The following SH3RF3 variants were observed in gnomAD, a reference collection of about 807,000 sequenced individuals.
SH3RF3 encodes the protein E3 ubiquitin-protein ligase SH3RF3.
SH3RF3 carries 29 observed loss-of-function variants against 66.3 expected under a neutral mutation model. That is an observed-to-expected ratio of 0.44 (90% confidence interval 0.33 to 0.60). The LOEUF is 0.60. SH3RF3 is among the 20% of genes least tolerant of loss of function. The probability of loss-of-function intolerance (pLI) is 0.04; values close to 1 mark genes in which losing one functional copy is unlikely to be tolerated. For synonymous variants in SH3RF3, 583 were observed against 532.0 expected, an observed-to-expected ratio of 1.10 and a Z score of -1.32; for missense variants, 1,194 against 1,190.9, an observed-to-expected ratio of 1.00 and a Z score of -0.04.
chr2:109,446,846 G>A (rs903018765), intron 7 of SH3RF3, among the ~76,000 whole-genome samples: 24 of 152,134 alleles, frequency 1.6e-4, no homozygotes, highest in African/African-American at 5.8e-4. Context: ...GGCCAGCCAC[G>A]CACAGCCCAG....
At position 109,152,751 on chromosome 2, in the gene SH3RF3, C is replaced by CG. The variant is rs878905857; in HGVS notation, c.573+22645dup. Among the ~76,000 whole-genome samples, 47 of 151,736 alleles carry CG rather than the reference C, an allele frequency of 3.1e-4. No homozygotes were observed. The East Asian group carries it at 4.5e-3, about 14-fold the overall frequency. On this transcript the variant is annotated intron_variant, in intron 1 of 9. Coordinates refer to ENST00000309415, the MANE Select transcript of SH3RF3 (RefSeq NM_001099289.3). ...ACTTGAGTAGGCATGGGCAGAGGGG[C>CG]GGGGGGGACCCAGTGTCCCCTCCCA... is the stretch of plus-strand genomic sequence containing the variant.
chr2:109,253,283 T>C (rs571826582), intron 1 of SH3RF3, among the ~76,000 whole-genome samples: 1 of 152,212 alleles, frequency 6.6e-6, no homozygotes, highest in Non-Finnish European at 1.5e-5. Flanking sequence ...CCTCCCAAAG[T>C]GCTGGGATTG....
intron 1 of SH3RF3, among the ~76,000 whole-genome samples, chr2:109,179,000 A>G (rs1677999558): frequency 2.1e-5 from 1 of 48,170 alleles, no homozygotes; most frequent in Non-Finnish European, 5.1e-5. Context: ...ATAAAGTATA[A>G]TAATGTGTGT....
chr2:109,296,067 C>G (rs999300433), intron 1 of SH3RF3, among the ~76,000 whole-genome samples: 3 of 152,054 alleles, frequency 2.0e-5, no homozygotes, highest in African/African-American at 7.2e-5. Flanking sequence ...GGATCCCTTC[C>G]CTGCCCCAGC....
Position 109,243,804 on chromosome 2 carries a change from C to T in SH3RF3, c.574-103870C>T, listed in dbSNP as rs1222321518. ...AGGAGTTTGGGACATGTTCTCTGTG[C>T]GTTGGGAAGCCATTGAAAGGCTGTA... On this transcript the variant is annotated intron_variant, in intron 1 of 9. Coordinates refer to ENST00000309415, the MANE Select transcript of SH3RF3 (RefSeq NM_001099289.3). 4.6e-5 allele frequency among the ~76,000 whole-genome samples: 7 copies of T among 152,200 alleles called. No individual in the cohort carries two copies. The South Asian group carries it at 6.2e-4, about 14-fold the overall frequency.
At chr2:109,461,297 C>A (rs191974767) in intron 8 of SH3RF3, among the ~76,000 whole-genome samples, 1 of 152,340 alleles carries the variant, frequency 6.6e-6, no homozygotes. Flanking sequence ...TCTACCAAGG[C>A]CCAGTGGCAG....
intron 1 of SH3RF3, among the ~76,000 whole-genome samples, chr2:109,325,331 C>CTTTTTTTTTTTTTTTTTTTTTTT: frequency 1.5e-5 from 1 of 66,256 alleles, no homozygotes. Context: ...TTCTTTCTTT[C>CTTTTTTTTTTTTTTTTTTTTTTT]TTTTTTTTTT....
intron 1 of SH3RF3, among the ~76,000 whole-genome samples, chr2:109,224,777 A>C (rs1042277437): frequency 2.0e-5 from 3 of 152,194 alleles, no homozygotes; most frequent in Non-Finnish European, 2.9e-5. Flanking sequence ...GAATCGCTTG[A>C]AACCTGGAGA....
chr2:109,473,152 T>A (rs1260983736), intron 8 of SH3RF3, among the ~76,000 whole-genome samples: 1 of 152,198 alleles, frequency 6.6e-6, no homozygotes, highest in Non-Finnish European at 1.5e-5. Context: ...TCAAGTTAAC[T>A]CTTGCAAAGC....
At chr2:109,221,564 A>G (rs1679242194) in intron 1 of SH3RF3, among the ~76,000 whole-genome samples, 1 of 142,700 alleles carries the variant, frequency 7.0e-6, no homozygotes, top group Non-Finnish European at 1.5e-5. Context: ...CCTGGGTGAC[A>G]GGGTGAGACT....
intron 6 of SH3RF3, among the ~76,000 whole-genome samples, chr2:109,435,848 CT>C (rs927437510): frequency 2.9e-4 from 44 of 152,214 alleles, no homozygotes; most frequent in African/African-American, 1.0e-3. Context: ...ATGGTTTTGG[CT>C]GACCTGCTAA....
At chr2:109,428,017 T>TA (rs1375171566) in intron 5 of SH3RF3, among the ~76,000 whole-genome samples, 2 of 152,212 alleles carry the variant, frequency 1.3e-5, no homozygotes, top group Admixed American at 6.5e-5. Context: ...CCACAGGACT[T>TA]ACCCAGCCCT....
intron 8 of SH3RF3, among the ~76,000 whole-genome samples, chr2:109,468,122 C>T (rs183318813): frequency 1.3e-5 from 2 of 152,306 alleles, no homozygotes; most frequent in Admixed American, 1.3e-4. Flanking sequence ...TTCTGAAAAA[C>T]GCGTCGTTTG....
chr2:109,195,800 C>A (rs999628955), intron 1 of SH3RF3, among the ~76,000 whole-genome samples: 1 of 152,122 alleles, frequency 6.6e-6, no homozygotes, highest in Non-Finnish European at 1.5e-5. Flanking sequence ...TCAGAATCTC[C>A]CCTCTACTTT....
intron 9 of SH3RF3, among the ~76,000 whole-genome samples, chr2:109,499,783 G>GTT (rs1264825049): frequency 6.6e-6 from 1 of 152,180 alleles, no homozygotes; most frequent in Non-Finnish European, 1.5e-5. Flanking sequence ...GTGTGTGTGT[G>GTT]TCCTGTCAAA....
chr2:109,218,576 C>T (rs765613688), intron 1 of SH3RF3, among the ~76,000 whole-genome samples: 4 of 152,170 alleles, frequency 2.6e-5, no homozygotes, highest in East Asian at 1.9e-4. Flanking sequence ...TTTCATCTCT[C>T]GGTCAAAATA....
At chr2:109,166,149 A>G (rs532653980) in intron 1 of SH3RF3, among the ~76,000 whole-genome samples, 12 of 152,274 alleles carry the variant, frequency 7.9e-5, no homozygotes, top group African/African-American at 2.9e-4. Flanking sequence ...ACTTCTTAAT[A>G]TGGTTGGCTT....
At chr2:109,493,807 TAC>T in intron 9 of SH3RF3, among the ~76,000 whole-genome samples, 1 of 151,954 alleles carries the variant, frequency 6.6e-6, no homozygotes, top group African/African-American at 2.4e-5. Flanking sequence ...AACACACAGA[TAC>T]ACACACTATA....
intron 1 of SH3RF3, among the ~76,000 whole-genome samples, chr2:109,150,041 C>T (rs1452706304): frequency 6.6e-6 from 1 of 152,192 alleles, no homozygotes; most frequent in Non-Finnish European, 1.5e-5. Flanking sequence ...GGTCTGGGTG[C>T]AGCCTGGCAT....
Sources: allele counts gnomAD v4.1 joint callset (sites outside exome capture counted in the v4.1 genomes callset), GRCh38; gene constraint gnomAD v4.1.1; transcripts MANE v1.5; gene names NCBI Gene and HGNC (gene_info 2026-07-23, HGNC 2026-07-21).